The following ZNF678 variants were observed in gnomAD, a reference collection of about 807,000 sequenced individuals.
The protein encoded by ZNF678 is hypothetical protein MGC42493.
ZNF678 carries 5 observed loss-of-function variants against 3.0 expected under a neutral mutation model. That is an observed-to-expected ratio of 1.69 (90% CI 0.88 to 3.56). The LOEUF (loss-of-function observed/expected upper bound fraction) is 3.56, where lower values mean the gene tolerates loss of function less well. Among genes scored for constraint, ZNF678 ranks in the 30% most tolerant of loss-of-function variants. ZNF678 has a pLI of 0.00. For missense variants in ZNF678, 593 were observed against 605.0 expected (o/e 0.98, Z 0.21); for synonymous variants, 218 against 199.6 (o/e 1.09, Z -0.78).
intron 1 of ZNF678, among the ~76,000 whole-genome samples, chr1:227,629,438 G>A (rs1479502331): frequency 6.6e-5 from 10 of 152,250 alleles, no homozygotes; most frequent in Non-Finnish European, 1.5e-4. Flanking sequence ...AGAAAGGCAT[G>A]TGAAAAGAGT....
chr1:227,603,216 C>A (rs1406249058), intron 1 of ZNF678, among the ~76,000 whole-genome samples: 1 of 152,142 alleles, frequency 6.6e-6, no homozygotes, highest in African/African-American at 2.4e-5. Context: ...CTGTTCCTCC[C>A]ACGTCATGAT....
chr1:227,579,652 C>T (rs1657075545), intron 1 of ZNF678, among the ~76,000 whole-genome samples: 2 of 152,090 alleles, frequency 1.3e-5, no homozygotes, highest in Non-Finnish European at 2.9e-5. Flanking sequence ...GAGGTCTTCA[C>T]CAGTCGGGCA....
At chr1:227,592,123 G>A (rs1657431983) in intron 1 of ZNF678, among the ~76,000 whole-genome samples, 1 of 152,204 alleles carries the variant, frequency 6.6e-6, no homozygotes, top group South Asian at 2.1e-4. Context: ...ACATAGTTAT[G>A]TTCAACTGGG....
At chr1:227,589,287 A>T (rs12129894) in intron 1 of ZNF678, among the ~76,000 whole-genome samples, 32,533 of 151,574 alleles carry the variant, frequency 0.21, 4,373 homozygotes, top group African/African-American at 0.34. Context: ...TTACAAATGT[A>T]AAAGTCTTTA....
intron 5 of ZNF678, among the ~76,000 whole-genome samples, chr1:227,673,030 A>G (rs1030231037): frequency 6.6e-6 from 1 of 152,116 alleles, no homozygotes; most frequent in Non-Finnish European, 1.5e-5. Context: ...CCCAGTCCCC[A>G]TGCCTGTATC....
intron 5 of ZNF678, among the ~76,000 whole-genome samples, chr1:227,673,511 T>G (rs1298707971): frequency 3.3e-5 from 5 of 152,232 alleles, no homozygotes; most frequent in African/African-American, 1.2e-4. Flanking sequence ...GTCACCTTCT[T>G]CTCATTCTGA....
intron 1 of ZNF678, among the ~76,000 whole-genome samples, chr1:227,642,194 T>C (rs1252661225): frequency 6.6e-6 from 1 of 152,186 alleles, no homozygotes; most frequent in East Asian, 1.9e-4. Flanking sequence ...TGAGGATGGA[T>C]AGAAAACTCA....
intron 5 of ZNF678, among the ~76,000 whole-genome samples, chr1:227,675,838 G>A (rs1370167940): frequency 6.6e-6 from 1 of 152,126 alleles, no homozygotes; most frequent in Non-Finnish European, 1.5e-5. Context: ...CAAAAATGCA[G>A]CTGAAAGCCA....
At chr1:227,622,233 T>C (rs1436206980) in intron 1 of ZNF678, among the ~76,000 whole-genome samples, 1 of 152,228 alleles carries the variant, frequency 6.6e-6, no homozygotes, top group Non-Finnish European at 1.5e-5. Context: ...CCTTGTCTTA[T>C]TCACACATTT....
In ZNF678 at chr1:227,661,907, C is replaced by A. The variant is rs1392888763; in HGVS notation, c.*6079C>A. On this transcript the variant is annotated 3_prime_UTR_variant, in exon 4 of 4. Coordinates refer to ENST00000343776, the MANE Select transcript of ZNF678 (RefSeq NM_001367909.1). ...GTGGTCCACATCATGCAGATTTACT[C>A]TAGATTCAGCTTAGACTCATTTTTA... 2 of 152,158 alleles carry A rather than the reference C, an allele frequency of 1.3e-5. No homozygotes were observed. Among genetic ancestry groups the A allele is most frequent in the African/African-American group, 4.8e-5 (2 of 41,408 alleles). 9.4% of individuals were successfully genotyped at this position (152,158 alleles called of 1,614,324 possible).
At chr1:227,653,044 T>G (rs10799438) in intron 3 of ZNF678, among the ~76,000 whole-genome samples, 32,518 of 152,022 alleles carry the variant, frequency 0.21, 3,625 homozygotes, top group East Asian at 0.28. Flanking sequence ...ATTCTTGCTT[T>G]AAAGTTTTTG....
chr1:227,635,085 CA>C (rs71721953), intron 1 of ZNF678, among the ~76,000 whole-genome samples: 75 of 145,536 alleles, frequency 5.2e-4, no homozygotes, highest in Non-Finnish European at 5.3e-4. Flanking sequence ...GCCTGGTAAT[CA>C]AAAAAAAAAA....
chr1:227,582,333 G>T (rs1012911462), intron 1 of ZNF678, among the ~76,000 whole-genome samples: 27 of 151,886 alleles, frequency 1.8e-4, no homozygotes, highest in African/African-American at 5.8e-4. Context: ...ATGTGTGTAT[G>T]AGATAGGTTT....
At chr1:227,593,868 T>C (rs371891997) in intron 1 of ZNF678, among the ~76,000 whole-genome samples, 469 of 8,628 alleles carry the variant, frequency 0.054, no homozygotes, top group East Asian at 0.15. Flanking sequence ...CCCCCCCCCC[T>C]TTTTTTTTTT....
At chr1:227,617,363 A>T (rs1658166445) in intron 1 of ZNF678, among the ~76,000 whole-genome samples, 1 of 152,178 alleles carries the variant, frequency 6.6e-6, no homozygotes, top group Non-Finnish European at 1.5e-5. Flanking sequence ...CCAAATACAG[A>T]TGGTTTCTTC....
intron 1 of ZNF678, among the ~76,000 whole-genome samples, chr1:227,644,901 T>A (rs745499691): frequency 6.6e-6 from 1 of 152,074 alleles, no homozygotes; most frequent in Non-Finnish European, 1.5e-5. Flanking sequence ...AAGGTCAGGG[T>A]CAAGCATGAG....
downstream of ZNF678, among the ~76,000 whole-genome samples, chr1:227,667,196 A>C (rs893639031): frequency 6.6e-6 from 1 of 151,930 alleles, no homozygotes; most frequent in African/African-American, 2.4e-5. Flanking sequence ...GGTGCACGCC[A>C]GCACACCCAG....
chr1:227,650,028 A>G (rs1008567572), intron 2 of ZNF678, among the ~76,000 whole-genome samples: 1 of 152,114 alleles, frequency 6.6e-6, no homozygotes, highest in Non-Finnish European at 1.5e-5. Context: ...ATGCAGTCCA[A>G]CTTGTTAATA....
chr1:227,615,275 G>T (rs544948138), intron 1 of ZNF678, among the ~76,000 whole-genome samples: 1 of 152,216 alleles, frequency 6.6e-6, no homozygotes, highest in Non-Finnish European at 1.5e-5. Context: ...TAGAGGCTCA[G>T]TGCAGAGGTA....
Sources: allele counts gnomAD v4.1 joint callset (sites outside exome capture counted in the v4.1 genomes callset), GRCh38; gene constraint gnomAD v4.1.1; transcripts MANE v1.5; gene names NCBI Gene and HGNC (gene_info 2026-07-23, HGNC 2026-07-21).